The following CHRDL1 variants were observed in gnomAD, a reference collection of about 807,000 sequenced individuals.
The protein encoded by CHRDL1 is chordin-like protein 1.
A neutral mutation model predicts 40.9 loss-of-function variants in CHRDL1; 19 were observed. The observed-to-expected ratio is 0.46, with a 90% CI of 0.32 to 0.68. The LOEUF (loss-of-function observed/expected upper bound fraction) is 0.68. Ranked by LOEUF, CHRDL1 falls within the 30% of genes least tolerant of loss-of-function variation. The pLI is 0.03. For synonymous variants in CHRDL1, 136 were observed against 123.4 expected, an observed-to-expected ratio of 1.10 and a Z score of -0.68; for missense variants, 329 against 352.1, an observed-to-expected ratio of 0.93 and a Z score of 0.53.
rs1272558238 is a variant in CHRDL1, at chrX:110,694,328, G to A, written c.613C>T (p.His205Tyr). 8.3e-7 allele frequency: 1 copy of A among 1,199,673 alleles called. No homozygotes were observed. The highest frequency in any genetic ancestry group is 1.8e-5 in the South Asian group (1 of 55,354). The change falls in exon 8 of 12, where the codon CAT becomes TAT. Residue 205 changes from histidine to tyrosine, a missense_variant. His to Tyr is a moderately conservative substitution (Grantham distance 83). Coordinates refer to ENST00000372042, the MANE Select transcript of CHRDL1 (RefSeq NM_001143981.2). ...TCATAGTGAGAGCGGTGGTAAGAAT[G>A]TCTCTGTAAAATAACAAGAACAAAT... ...FRQPANREAR[H>Y]SYHRSHYDPP... is the part of the protein sequence containing the mutation.
At chrX:110,787,120 T>G (rs2090028373) in intron 2 of CHRDL1, among the ~76,000 whole-genome samples, 1 of 111,926 alleles carries the variant, frequency 8.9e-6, no homozygotes, top group African/African-American at 3.3e-5. Flanking sequence ...GGATAATATC[T>G]TTGGCTTGTA....
chrX:110,760,060 T>C (rs753125538), intron 3 of CHRDL1, among the ~76,000 whole-genome samples: 5 of 112,098 alleles, frequency 4.5e-5, no homozygotes, highest in African/African-American at 1.6e-4. Context: ...TCCCCAGCTC[T>C]AGCTGCATGT....
At chrX:110,682,050 A>G (rs1336380582) in intron 9 of CHRDL1, among the ~76,000 whole-genome samples, 1 of 112,310 alleles carries the variant, frequency 8.9e-6, no homozygotes, top group African/African-American at 3.2e-5. Flanking sequence ...TGCTCTGTCC[A>G]GCTCAGTGTT....
intron 4 of CHRDL1, among the ~76,000 whole-genome samples, chrX:110,749,339 C>G (rs1468232278): frequency 9.0e-6 from 1 of 111,630 alleles, no homozygotes; most frequent in Admixed American, 9.5e-5. Context: ...TGACGTATTT[C>G]TCTGTCTTCT....
intron 4 of CHRDL1, among the ~76,000 whole-genome samples, chrX:110,723,207 C>T (rs1216212526): frequency 1.8e-5 from 2 of 111,235 alleles, no homozygotes; most frequent in Non-Finnish European, 3.8e-5. Flanking sequence ...GCCGTGATCA[C>T]GCCACTGCAC....
chrX:110,787,889 T>C (rs1365500182), intron 2 of CHRDL1, among the ~76,000 whole-genome samples: 4 of 112,782 alleles, frequency 3.5e-5, no homozygotes, highest in Non-Finnish European at 5.6e-5. Flanking sequence ...AATACATAAT[T>C]GAATATTCTT....
At chrX:110,699,467 A>T (rs1184590887) in intron 7 of CHRDL1, among the ~76,000 whole-genome samples, 1 of 112,078 alleles carries the variant, frequency 8.9e-6, no homozygotes, top group African/African-American at 3.2e-5. Flanking sequence ...GTTTTAGAAA[A>T]TCAAATATAT....
intron 2 of CHRDL1, among the ~76,000 whole-genome samples, chrX:110,774,667 T>C (rs1419572053): frequency 8.9e-6 from 1 of 111,906 alleles, no homozygotes; most frequent in African/African-American, 3.2e-5. Context: ...AGCAGATCAA[T>C]TGAACAAATT....
chrX:110,706,776 G>GT (rs1348933171), intron 6 of CHRDL1, among the ~76,000 whole-genome samples: 1 of 112,471 alleles, frequency 8.9e-6, no homozygotes, highest in African/African-American at 3.2e-5. Context: ...TTTATTGCCT[G>GT]TTTTTCTGGC....
Position 110,679,403 on chromosome X carries a change from A to G in CHRDL1, c.1179T>C (p.Ile393=). ...IRKGILQHFH[I]EKISKRMFEE... is the part of the protein sequence containing the mutation. ...CAAACATCCTCTTGGAGATCTTCTC[A>G]ATATGGAAGTGCTGGAGAATGCCTA... The change falls in exon 11 of 12, where the codon ATT becomes ATC. Residue 393 remains isoleucine (I), a synonymous_variant. Transcript: ENST00000372042. The G allele has an allele frequency of 8.3e-7, 1 of 1,206,151 alleles. No individual in the cohort carries two copies. The highest frequency in any genetic ancestry group is 1.1e-6 in the Non-Finnish European group (1 of 890,353).
rs1569461684 is a variant in CHRDL1, at chrX:110,689,516, CTA to C, written c.779-715_779-714del. 1.8e-4 allele frequency among the ~76,000 whole-genome samples: 6 copies of C among 34,049 alleles called. No homozygotes were observed. In the African/African-American group the frequency reaches 2.4e-3, roughly 14 times the overall value. The allele number at this position is 34,049 out of a possible 115,157, so 29.6% of individuals were successfully genotyped here. On this transcript the variant is annotated intron_variant, in intron 8 of 11. Coordinates refer to ENST00000372042, the MANE Select transcript of CHRDL1 (RefSeq NM_001143981.2). ...TCTATATATCTATATATCTATATCT[CTA>C]TATATCTATCTATATATCTCTATAT...
At chrX:110,762,019 T>C (rs528012560) in intron 3 of CHRDL1, among the ~76,000 whole-genome samples, 2 of 112,311 alleles carry the variant, frequency 1.8e-5, no homozygotes, top group Non-Finnish European at 3.8e-5. Flanking sequence ...TTTGTCCTAA[T>C]ATTCTCCCTA....
chrX:110,759,813 G>T, intron 3 of CHRDL1, 59 bp from the exon 4 acceptor site: 1 of 857,916 alleles, frequency 1.2e-6, no homozygotes. Flanking sequence ...CTGGGATCAA[G>T]CCAGTTTGGG....
chrX:110,726,249 C>T (rs1738425), intron 4 of CHRDL1, among the ~76,000 whole-genome samples: 5,143 of 111,358 alleles, frequency 0.046, 308 homozygotes, highest in African/African-American at 0.16. Context: ...ATGTTGAAAT[C>T]GTAACCCCCA....
At chrX:110,689,614 C>CTATATATCTATATATCTA (rs2070150744) in intron 8 of CHRDL1, among the ~76,000 whole-genome samples, 10 of 5,213 alleles carry the variant, frequency 1.9e-3, no homozygotes, top group East Asian at 5.4e-3. Flanking sequence ...ATCTATATAT[C>CTATATATCTATATATCTA]TATATATCTA....
At chrX:110,724,173 T>C (rs747811890) in intron 4 of CHRDL1, among the ~76,000 whole-genome samples, 6 of 112,674 alleles carry the variant, frequency 5.3e-5, no homozygotes, top group Non-Finnish European at 1.1e-4. Context: ...AGCTGGCAGA[T>C]GTTTGGAATA....
Position 110,686,891 on chromosome X carries a change from C to CAAAAAAA in CHRDL1, c.988+1702_988+1703insTTTTTTT. On this transcript the variant is annotated intron_variant, in intron 9 of 11. Coordinates refer to ENST00000372042, the MANE Select transcript of CHRDL1 (RefSeq NM_001143981.2). ...AGAGCTAGACTCTGTCTCAAAAAAA[C>CAAAAAAA]AAAAAATAAAAAAAAAAATAAAAAG... Among the ~76,000 whole-genome samples, 103 of 85,335 alleles carry CAAAAAAA rather than the reference C, an allele frequency of 1.2e-3. 1 individual carries two copies. The highest frequency in any genetic ancestry group is 1.7e-3 in the Non-Finnish European group (78 of 45,520). 74.1% of individuals were successfully genotyped at this position (85,335 alleles called of 115,157 possible). A position where few individuals can be genotyped will look rare whatever the true frequency, so the allele number is the denominator to read the frequency against.
chrX:110,675,357 T>G lies in CHRDL1; in HGVS notation c.*874A>C, dbSNP rs1019444804. The G allele has an allele frequency of 2.7e-5, 3 of 111,588 alleles. No individual in the cohort carries two copies. The highest frequency in any genetic ancestry group is 5.6e-5 in the Non-Finnish European group (3 of 53,113). The allele number at this position is 111,588 out of a possible 1,213,427, so 9.2% of individuals were successfully genotyped here. On this transcript the variant is annotated 3_prime_UTR_variant, in exon 12 of 12. Coordinates refer to ENST00000372042, the MANE Select transcript of CHRDL1 (RefSeq NM_001143981.2). The stretch of plus-strand genomic sequence containing the variant: ...TTACATGGATTCAGTTTCTGATGAT[T>G]TTACTCAATTTAACTTCTTTCTGGA...
At chrX:110,677,979 C>T (rs897497643) in intron 11 of CHRDL1, among the ~76,000 whole-genome samples, 13 of 111,315 alleles carry the variant, frequency 1.2e-4, no homozygotes, top group Non-Finnish European at 2.1e-4. Flanking sequence ...CTCACAGTGA[C>T]GTCTCCTCCC....
Sources: allele counts gnomAD v4.1 joint callset (sites outside exome capture counted in the v4.1 genomes callset), GRCh38; gene constraint gnomAD v4.1.1; transcripts MANE v1.5; gene names NCBI Gene and HGNC (gene_info 2026-07-23, HGNC 2026-07-21).